Variants in MUS81 observed in about 807,000 individuals in gnomAD.
The protein encoded by MUS81 is MUS81 structure-specific endonuclease subunit, also known as structure-specific endonuclease subunit MUS81.
MUS81 carries 69 observed loss-of-function variants against 74.2 expected under a neutral mutation model. That is an observed-to-expected ratio of 0.93 (90% CI 0.77 to 1.14). The LOEUF is 1.14. Among genes scored for constraint, MUS81 ranks in the 50% most tolerant of loss-of-function variants. The pLI is 0.00. For missense variants in MUS81, 711 were observed against 726.5 expected (o/e 0.98, Z 0.25); for synonymous variants, 303 against 300.6 (o/e 1.01, Z -0.08).
chr11:65,863,765 G>C, intron 9 of MUS81, 39 bp from the exon 10 acceptor site: 1 of 1,614,162 alleles, frequency 6.2e-7, no homozygotes, highest in Non-Finnish European at 8.5e-7. Flanking sequence ...AGGGCCTGGT[G>C]GGTAGGGGAT....
At chr11:65,863,948 C>A (rs572273609) in intron 10 of MUS81, 47 bp downstream of exon 10, 2 of 1,588,240 alleles carry the variant, frequency 1.3e-6, no homozygotes, top group Admixed American at 3.3e-5. Context: ...TCCGAAGCCC[C>A]GTTTTCAGCC....
chr11:65,866,471 A>G (rs1343857711), downstream of MUS81: 5 of 701,758 alleles, frequency 7.1e-6, no homozygotes, highest in Admixed American at 6.0e-5. Context: ...TTTATAGAAA[A>G]ACAGGCCCAG....
chr11:65,866,505 T>A (rs768932310), downstream of MUS81: 11 of 702,618 alleles, frequency 1.6e-5, no homozygotes, highest in Non-Finnish European at 2.9e-5. Flanking sequence ...CTTATCCAAA[T>A]GTACAGTTTG....
rs760693496 is a variant in MUS81, at chr11:65,863,633, A to G, written c.873A>G (p.Leu291=). The change falls in exon 9 of 16, where the codon CTA becomes CTG. Residue 291 remains leucine (L), a synonymous_variant. Transcript: ENST00000308110. ...ACAGGCCGGAGCTGCTCCGAGAGCTACAGCGGCTGCACGTGACCCACACGG... is the reference window on the plus strand; with the variant it reads ...ACAGGCCGGAGCTGCTCCGAGAGCTGCAGCGGCTGCACGTGACCCACACGG... ...GGHRPELLRE[L]QRLHVTHTVR... The G allele has an allele frequency of 4.3e-6, 7 of 1,614,026 alleles. No individual in the cohort carries two copies. In the East Asian group the frequency reaches 1.3e-4, roughly 31 times the overall value.
In MUS81 at chr11:65,861,395, C is replaced by T; in HGVS notation, c.311C>T (p.Pro104Leu). ...CCATCTGGAGAGAACAGTCCAGCCC[C>T]GCAGGGGCGACTTGCGGAAGTCCAG... ...DSPSGENSPA[P>L]QGRLAEVQDS... Residue 104 changes from proline (P) to leucine (L), a missense_variant, in exon 3 of 16, where the codon CCG (proline) becomes CTG (leucine). Coordinates refer to ENST00000308110, the MANE Select transcript of MUS81 (RefSeq NM_025128.5). The T allele has an allele frequency of 6.2e-7, 1 of 1,603,978 alleles. No homozygotes were observed. Among genetic ancestry groups the T allele is most frequent in the Non-Finnish European group, 8.5e-7 (1 of 1,174,378 alleles).
At chr11:65,865,645 G>A (rs939323790) in intron 14 of MUS81, 166 bp from the exon 15 acceptor site, 18 of 730,200 alleles carry the variant, frequency 2.5e-5, no homozygotes, top group Non-Finnish European at 2.7e-5. Context: ...GTTCCCACAG[G>A]GAGGGAGGAC....
chr11:65,862,616 G>A, intron 6 of MUS81, 87 bp downstream of exon 6: 1 of 1,288,112 alleles, frequency 7.8e-7, no homozygotes, highest in Non-Finnish European at 1.1e-6. Flanking sequence ...CAGAGCTGAT[G>A]CTGTTGAGAT....
At position 65,863,182 on chromosome 11, in the gene MUS81, G is replaced by A. The variant is rs2134731159; in HGVS notation, c.723G>A (p.Val241=). Residue 241 remains valine (V), a synonymous_variant, in exon 7 of 16, where the codon GTG becomes GTA. Coordinates refer to ENST00000308110, the MANE Select transcript of MUS81 (RefSeq NM_025128.5). ...PKEPPGEETA[V]PGAASAELAS... ...AGCCCCCTGGGGAGGAGACAGCAGT[G>A]CCAGGAGCAGCTTCAGCAGAGCTGT... The A allele has an allele frequency of 6.2e-7, 1 of 1,613,554 alleles. No individual in the cohort carries two copies. The highest frequency in any genetic ancestry group is 1.1e-5 in the South Asian group (1 of 91,060).
intron 14 of MUS81, 40 bp downstream of exon 14, chr11:65,865,363 C>T (rs539155334): frequency 1.3e-6 from 2 of 1,575,084 alleles, no homozygotes; most frequent in African/African-American, 2.7e-5. Context: ...CAGCCCCTGC[C>T]CTCCATGCAT....
At position 65,865,029 on chromosome 11, in the gene MUS81, C is replaced by T. The variant is rs772712031; in HGVS notation, c.1285C>T (p.Arg429Cys). 2.7e-5 allele frequency: 43 copies of T among 1,613,614 alleles called. No homozygotes were observed. Among genetic ancestry groups the T allele is most frequent in the South Asian group, 7.7e-5 (7 of 91,092 alleles). The change falls in exon 13 of 16, where the codon CGC becomes TGC. Residue 429 changes from arginine to cysteine, a missense_variant. By Grantham distance (180) the Arg-to-Cys change is radical. Coordinates refer to ENST00000308110, the MANE Select transcript of MUS81 (RefSeq NM_025128.5). ...CTTCTTCCCTCAGGGCCACACCCTA[C>T]GCAGCCGCCCCTGGGGAACCCCTGG... ...LQRLYQGHTL[R>C]SRPWGTPGNP...
Position 65,864,790 on chromosome 11 carries a change from C to CTCCCT in MUS81, c.1247_1248insTCCCT (p.Arg417ProfsTer30). 1 of 1,613,804 alleles carries CTCCCT rather than the reference C, an allele frequency of 6.2e-7. No homozygotes were observed. The highest frequency in any genetic ancestry group is 8.5e-7 in the Non-Finnish European group (1 of 1,179,980). On this transcript the variant is annotated frameshift_variant, in exon 12 of 16. Transcript: ENST00000308110. LOFTEE classifies it high-confidence loss of function. ...TCAGCCGCCTACCTGGCCCTCTTGA[C>CTCCCT]GCGGGGCCTGCAGAGACTCTACCAG...
At chr11:65,865,432 A>G in intron 14 of MUS81, 109 bp downstream of exon 14, 1 of 1,143,254 alleles carries the variant, frequency 8.7e-7, no homozygotes, top group Non-Finnish European at 1.2e-6. Flanking sequence ...GGCTCTGCAG[A>G]CCAGAGATAG....
Position 65,861,453 on chromosome 11 carries a change from G to A in MUS81, c.351+18G>A, listed in dbSNP as rs762362928. ...CCATGCCAGTGAGGAAGGGGCAAGG[G>A]GAGTGGAAGGCAAAGTGGGAGTGCG... On this transcript the variant is annotated intron_variant, in intron 3 of 15. Transcript: ENST00000308110. 1.9e-6 allele frequency: 3 copies of A among 1,580,928 alleles called. No individual in the cohort carries two copies. The highest frequency in any genetic ancestry group is 4.6e-5 in the East Asian group (2 of 43,676).
At chr11:65,862,778 G>T (rs915573147) in intron 6 of MUS81, among the ~76,000 whole-genome samples, 2 of 152,226 alleles carry the variant, frequency 1.3e-5, no homozygotes, top group African/African-American at 4.8e-5. Flanking sequence ...TTAGGATTTG[G>T]CGGGTAGAGA....
chr11:65,862,716 G>A (rs1446587192), intron 6 of MUS81, among the ~76,000 whole-genome samples, 187 bp downstream of exon 6: 1 of 152,222 alleles, frequency 6.6e-6, no homozygotes, highest in Non-Finnish European at 1.5e-5. Flanking sequence ...AGGGTGCGGT[G>A]GTTATTGGAG....
chr11:65,864,714 C>T lies in MUS81; in HGVS notation c.1177-6C>T. ...CACCTTCCCTCTCTTGGGTCCTCTT[C>T]CCCAGGTCATTGATGGCTTTTTTGT... is the stretch of plus-strand genomic sequence containing the variant. On this transcript the variant is annotated splice_polypyrimidine_tract_variant and splice_region_variant and intron_variant, in intron 11 of 15. Coordinates refer to ENST00000308110, the MANE Select transcript of MUS81 (RefSeq NM_025128.5). 1.2e-6 allele frequency: 2 copies of T among 1,614,030 alleles called. No individual in the cohort carries two copies. Among genetic ancestry groups the T allele is most frequent in the Non-Finnish European group, 1.7e-6 (2 of 1,179,970 alleles).
intron 12 of MUS81, 87 bp from the exon 13 acceptor site, chr11:65,864,930 T>C (rs1859760990): frequency 6.3e-7 from 1 of 1,586,902 alleles, no homozygotes; most frequent in Non-Finnish European, 8.6e-7. Context: ...TTTCTCAGGC[T>C]GGCCCCCCAA....
chr11:65,863,758 G>A (rs754416747), intron 9 of MUS81, 37 bp downstream of exon 9: 6 of 1,614,172 alleles, frequency 3.7e-6, no homozygotes, highest in East Asian at 4.5e-5. Flanking sequence ...CAGGGGCAGG[G>A]CCTGGTGGGT....
chr11:65,862,595 C>G lies in MUS81; in HGVS notation c.605+66C>G, dbSNP rs1160689441. The stretch of plus-strand genomic sequence containing the variant: ...CTTCTTAGTAGGGCCTTAGAGTCAC[C>G]CAACAACTCCCAGAGCTGATGCTGT... On this transcript the variant is annotated intron_variant, in intron 6 of 15. Transcript: ENST00000308110. The G allele has an allele frequency of 1.6e-5, 23 of 1,422,830 alleles. No individual in the cohort carries two copies. In the East Asian group the frequency reaches 5.3e-4, roughly 33 times the overall value. The allele number at this position is 1,422,830 out of a possible 1,614,324, so 88.1% of individuals were successfully genotyped here. A position where few individuals can be genotyped will look rare whatever the true frequency, so the allele number is the denominator to read the frequency against.
Sources: allele counts gnomAD v4.1 joint callset (sites outside exome capture counted in the v4.1 genomes callset), GRCh38; gene constraint gnomAD v4.1.1; transcripts MANE v1.5; gene names NCBI Gene and HGNC (gene_info 2026-07-23, HGNC 2026-07-21).